The following ASB10 variants were observed in gnomAD, a reference collection of about 807,000 sequenced individuals.
ASB10 encodes the protein ankyrin repeat and SOCS box protein 10.
A neutral mutation model predicts 35.4 loss-of-function variants in ASB10; 44 were observed. The observed-to-expected ratio is 1.24, with a 90% CI of 0.98 to 1.60. The LOEUF (loss-of-function observed/expected upper bound fraction) is 1.60, where lower values mean the gene tolerates loss of function less well. ASB10 is among the 40% of genes most tolerant of loss of function. The pLI, the probability that ASB10 is intolerant of heterozygous loss-of-function variation, is 0.00. For missense variants in ASB10, 647 were observed against 634.3 expected (o/e 1.02, Z -0.22); for synonymous variants, 294 against 280.4 (o/e 1.05, Z -0.49).
At chr7:151,177,923 G>T (rs947374908) in intron 3 of ASB10, among the ~76,000 whole-genome samples, 1 of 152,212 alleles carries the variant, frequency 6.6e-6, no homozygotes, top group African/African-American at 2.4e-5. Context: ...AAACACAGAA[G>T]TCATCACTCA....
At position 151,186,417 on chromosome 7, in the gene ASB10, G is replaced by A; in HGVS notation, c.559C>T (p.Leu187Phe). The A allele has an allele frequency of 6.3e-7, 1 of 1,587,712 alleles. No individual in the cohort carries two copies. Among genetic ancestry groups the A allele is most frequent in the South Asian group, 1.1e-5 (1 of 87,170 alleles). Residue 187 changes from leucine to phenylalanine, a missense_variant, in exon 2 of 6, where the codon CTC (leucine) becomes TTC (phenylalanine). By Grantham distance (22) the Leu-to-Phe change is conservative (BLOSUM62 0). Coordinates refer to ENST00000420175, the MANE Select transcript of ASB10 (RefSeq NM_001142459.2). ...ADQDGKRPLHLCRGPGTLECA... is the reference protein window; with the variant it reads ...ADQDGKRPLHFCRGPGTLECA... ...TCAAGGGTGCCAGGCCCCCGGCAGAGATGCAGGGGGCGTTTCCCATCCTGG... is the reference window on the plus strand; with the variant it reads ...TCAAGGGTGCCAGGCCCCCGGCAGAAATGCAGGGGGCGTTTCCCATCCTGG...
upstream of ASB10, chr7:151,187,410 G>T: frequency 6.4e-7 from 1 of 1,550,560 alleles, no homozygotes; most frequent in Non-Finnish European, 8.7e-7. This position sits in a 1 kb window ranked among gnomAD's most constrained non-coding sequence, Gnocchi z 5.3. Context: ...GAGGCAGTCA[G>T]CCCAGCCCCC....
At chr7:151,186,778 C>G (rs1298834064) in intron 1 of ASB10, 37 bp downstream of exon 1, 1 of 1,544,334 alleles carries the variant, frequency 6.5e-7, no homozygotes, top group South Asian at 1.2e-5. Flanking sequence ...AGCCTCCCCT[C>G]TCTCCCACTG....
intron 3 of ASB10, among the ~76,000 whole-genome samples, chr7:151,179,080 T>C (rs926280070): frequency 6.6e-6 from 1 of 152,198 alleles, no homozygotes; most frequent in African/African-American, 2.4e-5. Flanking sequence ...GATACCCTCA[T>C]TGGGATGATG....
At chr7:151,187,488 G>T (rs1275092565), upstream of ASB10, 3 of 1,551,184 alleles carry the variant, frequency 1.9e-6, no homozygotes, top group African/African-American at 1.4e-5. This position sits in a 1 kb window ranked among gnomAD's most constrained non-coding sequence, Gnocchi z 5.3. Context: ...TCTGCGGCCC[G>T]GCTCTCCAGC....
Position 151,176,216 on chromosome 7 carries a change from G to T in ASB10, c.1300C>A (p.Arg434Ser). 1 of 1,607,554 alleles carries T rather than the reference G, an allele frequency of 6.2e-7. No individual in the cohort carries two copies. Among genetic ancestry groups the T allele is most frequent in the Non-Finnish European group, 8.5e-7 (1 of 1,177,826 alleles). The stretch of plus-strand genomic sequence containing the variant: ...GGCAGGCTGCCCTCCAGGTGGGAGC[G>T]GAGCGCACAGCGGCTCAAATGCTGC... ...SLQHLSRCALRSHLEGSLPQA... is the reference protein window; with the variant it reads ...SLQHLSRCALSSHLEGSLPQA... Residue 434 changes from arginine (R) to serine (S), a missense_variant, in exon 5 of 6, where the codon CGC (arginine) becomes AGC (serine). Physicochemically the swap from Arg to Ser is moderately radical, Grantham distance 110. Coordinates refer to ENST00000420175, the MANE Select transcript of ASB10 (RefSeq NM_001142459.2).
chr7:151,184,131 C>G (rs576066995), intron 2 of ASB10, among the ~76,000 whole-genome samples: 1 of 151,932 alleles, frequency 6.6e-6, no homozygotes, highest in East Asian at 1.9e-4. Flanking sequence ...GAAGGAAATT[C>G]GGCCGGGCGT....
At position 151,181,207 on chromosome 7, in the gene ASB10, A is replaced by AC. The variant is rs1563570194; in HGVS notation, c.835_836insG (p.Leu279CysfsTer10). 2 of 1,612,690 alleles carry AC rather than the reference A, an allele frequency of 1.2e-6. No homozygotes were observed. Among genetic ancestry groups the AC allele is most frequent in the Admixed American group, 3.3e-5 (2 of 60,002 alleles). On this transcript the variant is annotated frameshift_variant, in exon 3 of 6. Coordinates refer to ENST00000420175, the MANE Select transcript of ASB10 (RefSeq NM_001142459.2). LOFTEE classifies it high-confidence loss of function. ...AGCGTCTGCTCCAGCTGAAAGCAGCAAGCTGCACAGCTGCAGGCAGCGGGC... is the reference window on the plus strand; with the variant it reads ...AGCGTCTGCTCCAGCTGAAAGCAGCACAGCTGCACAGCTGCAGGCAGCGGGC...
intron 2 of ASB10, among the ~76,000 whole-genome samples, chr7:151,181,911 C>A (rs1201147582): frequency 6.6e-6 from 1 of 152,148 alleles, no homozygotes; most frequent in Non-Finnish European, 1.5e-5. Context: ...CTGTGCCTGG[C>A]CAACAGTGTC....
rs371957185 is a variant in ASB10, at chr7:151,181,185, G to A, written c.858C>T (p.Asp286=). ...LCSLLLSAGA[D]ADAADQDKQR... The stretch of plus-strand genomic sequence containing the variant: ...GCTTGTCCTGGTCCGCAGCATCAGC[G>A]TCTGCTCCAGCTGAAAGCAGCAAGC... The change falls in exon 3 of 6, where the codon GAC becomes GAT. Residue 286 remains aspartate (D), a synonymous_variant. Coordinates refer to ENST00000420175, the MANE Select transcript of ASB10 (RefSeq NM_001142459.2). 54 of 1,611,900 alleles carry A rather than the reference G, an allele frequency of 3.4e-5. No homozygotes were observed. The African/African-American group carries it at 4.1e-4, about 12-fold the overall frequency.
intron 3 of ASB10, 76 bp from the exon 4 acceptor site, chr7:151,176,752 G>T: frequency 9.2e-7 from 1 of 1,081,878 alleles, no homozygotes; most frequent in Non-Finnish European, 1.4e-6. Flanking sequence ...AGTTGTTGTG[G>T]GTTGAACTTT....
chr7:151,185,040 T>A (rs1402603744), intron 2 of ASB10, among the ~76,000 whole-genome samples: 4 of 150,062 alleles, frequency 2.7e-5, no homozygotes, highest in African/African-American at 9.8e-5. Context: ...AATAAATAAA[T>A]AAAAAATGGT....
chr7:151,181,518 C>T (rs931947604), intron 2 of ASB10, 60 bp from the exon 3 acceptor site: 1 of 1,500,382 alleles, frequency 6.7e-7, no homozygotes, highest in Non-Finnish European at 8.9e-7. Flanking sequence ...CAGGAACACA[C>T]TTGGGTGGCT....
At chr7:151,178,251 G>GA (rs904102455) in intron 3 of ASB10, among the ~76,000 whole-genome samples, 69 of 149,706 alleles carry the variant, frequency 4.6e-4, no homozygotes, top group African/African-American at 1.5e-3. Context: ...TCTCAAAAGA[G>GA]AAAAAAAAAA....
At position 151,186,618 on chromosome 7, in the gene ASB10, G is replaced by A. The variant is rs1801600086; in HGVS notation, c.358C>T (p.Leu120=). The change falls in exon 2 of 6, where the codon CTG becomes TTG. Residue 120 remains leucine, a synonymous_variant. Transcript: ENST00000420175. ...TGGCCACGGCTGGCTGCCACATGCAGTGGGGTGGTCAGCTCCTCTTCGTAT... is the reference window on the plus strand; with the variant it reads ...TGGCCACGGCTGGCTGCCACATGCAATGGGGTGGTCAGCTCCTCTTCGTAT... ...LTYEEELTTP[L]HVAASRGHTE... 1.2e-6 allele frequency: 2 copies of A among 1,611,324 alleles called. No individual in the cohort carries two copies. The highest frequency in any genetic ancestry group is 2.7e-5 in the African/African-American group (2 of 75,042).
rs1446793582 is a variant in ASB10, at chr7:151,176,140, T to C, written c.1376A>G (p.Gln459Arg). ...PLPPRLLRYL[Q>R]LDFEGVLY ...GTAGAGCACGCCCTCAAAATCCAGC[T>C]GCAGGTAGCGGAGCAGGCGCGGTGG... The change falls in exon 5 of 6, where the codon CAG becomes CGG. Residue 459 changes from glutamine (Q) to arginine (R), a missense_variant. Physicochemically the swap from Gln to Arg is conservative, Grantham distance 43. Coordinates refer to ENST00000420175, the MANE Select transcript of ASB10 (RefSeq NM_001142459.2). The C allele has an allele frequency of 1.2e-6, 2 of 1,611,676 alleles. No homozygotes were observed. The highest frequency in any genetic ancestry group is 2.2e-5 in the East Asian group (1 of 44,878).
chr7:151,185,971 C>G (rs1334672815), intron 2 of ASB10, among the ~76,000 whole-genome samples: 1 of 152,166 alleles, frequency 6.6e-6, no homozygotes, highest in African/African-American at 2.4e-5. Flanking sequence ...ATCCTCTACT[C>G]CCTGTCTGGA....
chr7:151,184,780 T>C (rs1801556053), intron 2 of ASB10, among the ~76,000 whole-genome samples: 1 of 152,054 alleles, frequency 6.6e-6, no homozygotes, highest in South Asian at 2.1e-4. Context: ...CCCAGCACTT[T>C]GGGAGGCCGA....
intron 2 of ASB10, among the ~76,000 whole-genome samples, chr7:151,182,234 C>A (rs188257122): frequency 1.3e-5 from 2 of 151,870 alleles, no homozygotes; most frequent in African/African-American, 4.8e-5. Context: ...AGGAAGGGGG[C>A]GTGGGGCCTG....
Sources: allele counts gnomAD v4.1 joint callset (sites outside exome capture counted in the v4.1 genomes callset), GRCh38; gene constraint gnomAD v4.1.1; non-coding constraint Gnocchi (gnomAD v3.1); transcripts MANE v1.5; gene names NCBI Gene and HGNC (gene_info 2026-07-23, HGNC 2026-07-21).